CREB5: variants seen among roughly 807,000 people sequenced by gnomAD.
CREB5 encodes cyclic AMP-responsive element-binding protein 5.
Under a neutral mutation model 57.1 loss-of-function variants are expected in CREB5, and 19 were observed. The observed-to-expected ratio is 0.33, with a 90% CI of 0.23 to 0.49. The LOEUF is 0.49. CREB5 is among the 20% of genes least tolerant of loss of function. The pLI, the probability that CREB5 is intolerant of heterozygous loss-of-function variation, is 0.99. For synonymous variants in CREB5, 238 were observed against 238.3 expected (o/e 1.00, Z 0.01); for missense variants, 579 against 671.6 (o/e 0.86, Z 1.52).
intron 1 of CREB5, among the ~76,000 whole-genome samples, chr7:28,475,895 G>A (rs1215106576): frequency 1.3e-5 from 2 of 152,146 alleles, no homozygotes; most frequent in Non-Finnish European, 2.9e-5. Context: ...AGCCCAGGGT[G>A]AGGAGTCCCT....
chr7:28,680,521 G>A (rs1311296827), intron 5 of CREB5, among the ~76,000 whole-genome samples: 2 of 152,122 alleles, frequency 1.3e-5, no homozygotes, highest in Non-Finnish European at 2.9e-5. Flanking sequence ...ACTTTGGAAG[G>A]CCAAGCTGGG....
intron 1 of CREB5, among the ~76,000 whole-genome samples, chr7:28,477,614 G>A (rs895129155): frequency 6.6e-6 from 1 of 152,224 alleles, no homozygotes; most frequent in Non-Finnish European, 1.5e-5. Context: ...TAATGGCTTG[G>A]ACCTTTTGAT....
intron 5 of CREB5, among the ~76,000 whole-genome samples, chr7:28,646,746 T>C (rs1001226000): frequency 2.6e-5 from 4 of 152,192 alleles, no homozygotes; most frequent in Non-Finnish European, 5.9e-5. Flanking sequence ...GTGTTTTTTT[T>C]AATGTTCTTA....
chr7:28,369,073 CA>C, intron 1 of CREB5, among the ~76,000 whole-genome samples: 1 of 152,058 alleles, frequency 6.6e-6, no homozygotes, highest in African/African-American at 2.4e-5. Context: ...AACAAACAAA[CA>C]AAATAAATTG....
intron 6 of CREB5, among the ~76,000 whole-genome samples, chr7:28,719,441 C>T (rs1802890796): frequency 6.6e-6 from 1 of 152,160 alleles, no homozygotes; most frequent in Non-Finnish European, 1.5e-5. Context: ...ACTGTCCCCA[C>T]TTTTTGAATG....
At chr7:28,309,138 T>C (rs961237190) in intron 1 of CREB5, among the ~76,000 whole-genome samples, 2 of 152,192 alleles carry the variant, frequency 1.3e-5, no homozygotes, top group South Asian at 2.1e-4. Context: ...CCTGGGTCTC[T>C]AGTCTGCCAG....
At chr7:28,817,981 G>T in intron 9 of CREB5, 90 bp from the exon 10 acceptor site, 3 of 842,614 alleles carry the variant, frequency 3.6e-6, no homozygotes, top group Non-Finnish European at 5.7e-6. Context: ...TAATGGAAGA[G>T]TTTGCCAGTT....
chr7:28,701,415 T>C (rs1317835678), intron 5 of CREB5, among the ~76,000 whole-genome samples: 3 of 152,194 alleles, frequency 2.0e-5, no homozygotes, highest in Non-Finnish European at 2.9e-5. Context: ...TTTAATAAGA[T>C]TTATTCTGTA....
At chr7:28,759,912 C>T (rs2128768795) in intron 7 of CREB5, among the ~76,000 whole-genome samples, 1 of 152,310 alleles carries the variant, frequency 6.6e-6, no homozygotes, top group Admixed American at 6.5e-5. Context: ...TGCCAATTCA[C>T]ATCACTAATG....
chr7:28,360,093 G>A (rs1239117193), intron 1 of CREB5, among the ~76,000 whole-genome samples: 1 of 152,204 alleles, frequency 6.6e-6, no homozygotes, highest in East Asian at 1.9e-4. Context: ...GTGAGAATGT[G>A]GAGAGGGAAC....
chr7:28,379,054 G>A (rs1365031714), intron 1 of CREB5, among the ~76,000 whole-genome samples: 1 of 152,108 alleles, frequency 6.6e-6, no homozygotes, highest in Non-Finnish European at 1.5e-5. Flanking sequence ...AATCTCTCTA[G>A]GCCACAGTTT....
At chr7:28,608,227 G>T (rs1183822256) in intron 5 of CREB5, among the ~76,000 whole-genome samples, 3 of 151,808 alleles carry the variant, frequency 2.0e-5, no homozygotes, top group African/African-American at 7.3e-5. Context: ...GCAGGACCAA[G>T]ACTTTTTCCC....
At chr7:28,658,604 A>C (rs1353294861) in intron 5 of CREB5, among the ~76,000 whole-genome samples, 1 of 152,170 alleles carries the variant, frequency 6.6e-6, no homozygotes, top group African/African-American at 2.4e-5. Flanking sequence ...AACGTGAGAG[A>C]CACCATCAAA....
intron 5 of CREB5, among the ~76,000 whole-genome samples, chr7:28,631,043 A>G (rs1237890869): frequency 6.6e-6 from 1 of 152,200 alleles, no homozygotes; most frequent in African/African-American, 2.4e-5. Flanking sequence ...CTCTGACCCC[A>G]GAGCACATGG....
intron 1 of CREB5, among the ~76,000 whole-genome samples, chr7:28,363,400 G>T (rs1440772609): frequency 6.6e-6 from 1 of 151,962 alleles, no homozygotes; most frequent in Non-Finnish European, 1.5e-5. Flanking sequence ...GCTGCTTCAG[G>T]ACTGAGCCTC....
chr7:28,303,142 C>CA (rs36054051), intron 1 of CREB5, among the ~76,000 whole-genome samples: 80,943 of 129,750 alleles, frequency 0.62, 24,550 homozygotes, highest in East Asian at 0.75. Context: ...AACTCCATCT[C>CA]AAAAAAAAAA....
intron 1 of CREB5, among the ~76,000 whole-genome samples, chr7:28,419,478 G>GCTCACCCA (rs1419644764): frequency 9.9e-3 from 1,501 of 152,340 alleles, no homozygotes; most frequent in Non-Finnish European, 0.017. Context: ...TTGATTAATA[G>GCTCACCCA]TGCAATTTTC....
intron 4 of CREB5, among the ~76,000 whole-genome samples, chr7:28,545,775 C>A (rs148018614): frequency 6.6e-6 from 1 of 152,104 alleles, no homozygotes; most frequent in East Asian, 1.9e-4. Context: ...TCAGTTTCCA[C>A]GCCCATTCTC....
chr7:28,725,691 AAG>A (rs1020508084), intron 7 of CREB5, among the ~76,000 whole-genome samples: 2 of 151,976 alleles, frequency 1.3e-5, no homozygotes, highest in African/African-American at 4.8e-5. Context: ...AAAGAAAGAA[AAG>A]AAAAAATGAA....
Sources: gnomAD v4.1 joint callset for allele counts (sites outside exome capture counted in the v4.1 genomes callset) on GRCh38, gnomAD v4.1.1 for gene constraint, MANE v1.5 for transcripts, NCBI Gene and HGNC (gene_info 2026-07-23, HGNC 2026-07-21) for gene names.